The following CLVS1 variants were observed in gnomAD, a reference collection of about 807,000 sequenced individuals.
CLVS1 encodes clavesin-1.
A neutral mutation model predicts 33.1 loss-of-function variants in CLVS1; 10 were observed. The observed-to-expected ratio is 0.30, with a 90% CI of 0.19 to 0.51. CLVS1 has a LOEUF of 0.51. CLVS1 is among the 20% of genes least tolerant of loss of function. The pLI, the probability that CLVS1 is intolerant of heterozygous loss-of-function variation, is 0.97. For missense variants in CLVS1, 343 were observed against 433.4 expected (o/e 0.79, Z 1.85); for synonymous variants, 163 against 166.1 (o/e 0.98, Z 0.14).
chr8:61,338,446 C>T (rs757727939), intron 2 of CLVS1, among the ~76,000 whole-genome samples: 2 of 152,110 alleles, frequency 1.3e-5, no homozygotes, highest in Non-Finnish European at 1.5e-5. Flanking sequence ...TTTCTGACTC[C>T]GTAGGCACAG....
chr8:61,437,301 G>A lies in CLVS1; in HGVS notation c.631-16840G>A, dbSNP rs569274076. Among the ~76,000 whole-genome samples the A allele has an allele frequency of 2.6e-5, 4 of 152,308 alleles. No individual in the cohort carries two copies. The East Asian group carries it at 7.7e-4, about 29-fold the overall frequency. ...AAGGTGAGGGGTGGAACTGTACTGTGAACAAGGGTTATTTTATTATGCAAA... is the reference window on the plus strand; with the variant it reads ...AAGGTGAGGGGTGGAACTGTACTGTAAACAAGGGTTATTTTATTATGCAAA... On this transcript the variant is annotated intron_variant, in intron 3 of 5. Coordinates refer to ENST00000325897, the MANE Select transcript of CLVS1 (RefSeq NM_173519.3).
chr8:61,418,123 G>A (rs1286410467), intron 3 of CLVS1, among the ~76,000 whole-genome samples: 1 of 152,210 alleles, frequency 6.6e-6, no homozygotes, highest in East Asian at 1.9e-4. Flanking sequence ...GCAGATACTG[G>A]CTTTCCCCCA....
At chr8:61,450,779 GA>G (rs902892946) in intron 3 of CLVS1, among the ~76,000 whole-genome samples, 3 of 152,060 alleles carry the variant, frequency 2.0e-5, no homozygotes, top group Admixed American at 6.5e-5. Context: ...AAAAAGGACA[GA>G]AAAAAAGAGA....
intron 2 of CLVS1, among the ~76,000 whole-genome samples, chr8:61,311,897 T>G (rs1049774608): frequency 6.6e-6 from 1 of 152,216 alleles, no homozygotes; most frequent in Non-Finnish European, 1.5e-5. Flanking sequence ...GCATGACCTA[T>G]GTTTGCTCTT....
rs531185540 is a variant in CLVS1 at position 61,242,048 on chromosome 8, T to G, written c.-151-57629T>G. Among the ~76,000 whole-genome samples, 77 of 152,322 alleles carry G rather than the reference T, an allele frequency of 5.1e-4. 1 individual carries two copies. The highest frequency in any genetic ancestry group is 2.6e-3 in the Admixed American group (40 of 15,308). On this transcript the variant is annotated intron_variant, in intron 2 of 2. Transcript: ENST00000522621. ...TTATTTCCCTGTATGTAATACTTTT[T>G]TTTTTGTTCTGGCTTCTTTAAAGAT...
chr8:61,394,892 T>C (rs1197523078), intron 3 of CLVS1, among the ~76,000 whole-genome samples: 1 of 152,252 alleles, frequency 6.6e-6, no homozygotes, highest in Non-Finnish European at 1.5e-5. Context: ...TATGAGGTAA[T>C]ATCTCATTGT....
chr8:61,087,274 C>T (rs1805143770), intron 1 of CLVS1, among the ~76,000 whole-genome samples: 1 of 152,162 alleles, frequency 6.6e-6, no homozygotes, highest in South Asian at 2.1e-4. Context: ...CACTGGGAAA[C>T]TGGGAAGAGG....
At chr8:61,428,904 TCA>T (rs1312409404) in intron 3 of CLVS1, among the ~76,000 whole-genome samples, 1 of 152,158 alleles carries the variant, frequency 6.6e-6, no homozygotes, top group Admixed American at 6.5e-5. Flanking sequence ...CAAGGGTCAC[TCA>T]CACACACATA....
chr8:61,287,904 C>G (rs181326827), upstream of CLVS1: 5 of 350,294 alleles, frequency 1.4e-5, no homozygotes, highest in South Asian at 1.1e-4. Flanking sequence ...GGTTGTGGTA[C>G]GGAGGCATTT....
chr8:61,115,086 G>A (rs73685731), intron 1 of CLVS1, among the ~76,000 whole-genome samples: 3,036 of 152,270 alleles, frequency 0.02, 94 homozygotes, highest in African/African-American at 0.064. Context: ...TTTGTAGAGG[G>A]GACATTAAAG....
chr8:61,490,323 CAAA>C (rs112419815), intron 5 of CLVS1, among the ~76,000 whole-genome samples: 5 of 86,624 alleles, frequency 5.8e-5, no homozygotes, highest in Admixed American at 1.2e-4. Flanking sequence ...AACTCCGTCT[CAAA>C]AAAAAAAAAA....
chr8:61,498,001 A>G, intron 5 of CLVS1, among the ~76,000 whole-genome samples: 1 of 151,994 alleles, frequency 6.6e-6, no homozygotes, highest in East Asian at 1.9e-4. Context: ...CTTTTTTACT[A>G]CAACGTGTTT....
rs532513144 is a variant in CLVS1, at chr8:61,059,352, A to C, written c.-243+2122A>C. On this transcript the variant is annotated intron_variant, in intron 1 of 2. Transcript: ENST00000522621. ...GTCTGTCTTTCTTGGTATAAGTTCA[A>C]ATCTGTCCACTATTTTTGAATGTTT... Among the ~76,000 whole-genome samples the C allele has an allele frequency of 4.4e-4, 67 of 150,988 alleles. No individual in the cohort carries two copies. The Middle Eastern group carries it at 0.01, about 23-fold the overall frequency.
intron 2 of CLVS1, among the ~76,000 whole-genome samples, chr8:61,352,497 A>G (rs1430736880): frequency 1.3e-5 from 2 of 152,190 alleles, no homozygotes; most frequent in African/African-American, 4.8e-5. Flanking sequence ...TGGATTAAGA[A>G]ATCAAGCTTC....
In CLVS1 at chr8:61,328,005, C is replaced by A. The variant is rs143208368; in HGVS notation, c.455+27723C>A. Among the ~76,000 whole-genome samples, 8 of 152,304 alleles carry A rather than the reference C, an allele frequency of 5.3e-5. No individual in the cohort carries two copies. In the East Asian group the frequency reaches 1.5e-3, roughly 29 times the overall value. ...ATAATAATATTTGTAATCACAGCAG[C>A]TACCATGTTTTTGCATGCCTACTCT... On this transcript the variant is annotated intron_variant, in intron 2 of 5. Coordinates refer to ENST00000325897, the MANE Select transcript of CLVS1 (RefSeq NM_173519.3).
At chr8:61,329,452 C>T (rs1234997042) in intron 2 of CLVS1, among the ~76,000 whole-genome samples, 2 of 152,160 alleles carry the variant, frequency 1.3e-5, no homozygotes, top group African/African-American at 4.8e-5. Flanking sequence ...TTCAATAGAT[C>T]AGCAGTGTGA....
At chr8:61,169,077 G>A (rs535215595) in intron 2 of CLVS1, among the ~76,000 whole-genome samples, 1 of 152,278 alleles carries the variant, frequency 6.6e-6, no homozygotes, top group African/African-American at 2.4e-5. Context: ...CCAGGGTTGG[G>A]AGATGGGTTT....
At chr8:61,266,287 TTC>T (rs1229532692) in intron 2 of CLVS1, among the ~76,000 whole-genome samples, 5 of 109,494 alleles carry the variant, frequency 4.6e-5, no homozygotes, top group African/African-American at 1.3e-4. Context: ...CCTCCAAATT[TTC>T]TTTCTTTTTT....
chr8:61,370,250 G>A (rs1378754497), intron 2 of CLVS1: 1 of 152,056 alleles, frequency 6.6e-6, no homozygotes, highest in Non-Finnish European at 1.5e-5. Flanking sequence ...GGGAACAGGT[G>A]GTGTTCGGTT....
Sources: allele counts gnomAD v4.1 joint callset (sites outside exome capture counted in the v4.1 genomes callset), GRCh38; gene constraint gnomAD v4.1.1; transcripts MANE v1.5; gene names NCBI Gene and HGNC (gene_info 2026-07-23, HGNC 2026-07-21).